The following TENM2 variants were observed in gnomAD, a reference collection of about 807,000 sequenced individuals.
TENM2 encodes teneurin transmembrane protein 2, also known as teneurin-2.
Under a neutral mutation model 245.2 loss-of-function variants are expected in TENM2, and 52 were observed. The observed-to-expected ratio is 0.21, with a 90% CI of 0.17 to 0.27. TENM2 has a LOEUF of 0.27. Ranked by LOEUF, TENM2 falls within the 10% of genes least tolerant of loss-of-function variation. The pLI is 1.00. For synonymous variants in TENM2, 1,363 were observed against 1,438.9 expected (o/e 0.95, Z 1.19); for missense variants, 3,046 against 3,666.8 (o/e 0.83, Z 4.37).
chr5:167,515,822 C>T lies in TENM2; in HGVS notation c.502+140349C>T, dbSNP rs115999873. ...CTGGGACTACAGGCACCTGCCACCACGCTCATAGGGCAATATTTAGTTTAA... is the reference window on the plus strand; with the variant it reads ...CTGGGACTACAGGCACCTGCCACCATGCTCATAGGGCAATATTTAGTTTAA... On this transcript the variant is annotated intron_variant, in intron 2 of 28. Coordinates refer to ENST00000518659, the Ensembl canonical transcript of TENM2. Among the ~76,000 whole-genome samples, 529 of 151,414 alleles carry T rather than the reference C, an allele frequency of 3.5e-3. 6 individuals carry two copies. Among genetic ancestry groups the T allele is most frequent in the African/African-American group, 9.0e-3 (370 of 41,288 alleles).
chr5:167,418,575 C>A (rs1763302123), intron 2 of TENM2, among the ~76,000 whole-genome samples: 1 of 152,088 alleles, frequency 6.6e-6, no homozygotes, highest in South Asian at 2.1e-4. Flanking sequence ...ACAGCAGTAG[C>A]CAGAACAATG....
chr5:167,526,320 C>T (rs887950932), intron 2 of TENM2, among the ~76,000 whole-genome samples: 1 of 149,622 alleles, frequency 6.7e-6, no homozygotes, highest in Non-Finnish European at 1.5e-5. Context: ...AGTCAGCTAC[C>T]TATGTCAAAA....
At chr5:167,062,645 G>A in the TENM2 span, among the ~76,000 whole-genome samples, 40 of 152,282 alleles carry the variant, frequency 2.6e-4, no homozygotes, top group Admixed American at 6.5e-4. Context: ...AGATCCTGGG[G>A]ACAGGTGAAC....
intron 2 of TENM2, among the ~76,000 whole-genome samples, chr5:167,473,182 G>A (rs867212346): frequency 6.6e-6 from 1 of 152,108 alleles, no homozygotes; most frequent in African/African-American, 2.4e-5. Flanking sequence ...TACCTATGTA[G>A]GCTTATCATT....
intron 3 of TENM2, among the ~76,000 whole-genome samples, chr5:167,889,736 T>G (rs1374068835): frequency 6.6e-6 from 1 of 152,146 alleles, no homozygotes; most frequent in Non-Finnish European, 1.5e-5. Context: ...AATTTGCTTT[T>G]AAAGATGAAA....
At chr5:168,032,627 G>A (rs569549350) in intron 5 of TENM2, among the ~76,000 whole-genome samples, 3 of 152,292 alleles carry the variant, frequency 2.0e-5, no homozygotes, top group East Asian at 3.9e-4. Flanking sequence ...TTCTAAAGAA[G>A]CAAAGAAAAA....
At chr5:167,335,533 T>A (rs1757705040) in intron 1 of TENM2, among the ~76,000 whole-genome samples, 1 of 152,172 alleles carries the variant, frequency 6.6e-6, no homozygotes, top group Non-Finnish European at 1.5e-5. Context: ...TACTACCATT[T>A]CGTTTTGCAT....
the TENM2 span, among the ~76,000 whole-genome samples, chr5:167,270,348 G>C: frequency 2.6e-5 from 4 of 152,198 alleles, no homozygotes; most frequent in South Asian, 8.3e-4. Context: ...TGACATTAGT[G>C]GTGGGAGTGG....
chr5:167,949,271 T>C (rs1779888826), intron 3 of TENM2, among the ~76,000 whole-genome samples: 1 of 152,172 alleles, frequency 6.6e-6, no homozygotes, highest in Non-Finnish European at 1.5e-5. Context: ...TTTGAGGGGA[T>C]ACAGACTCCA....
intron 4 of TENM2, among the ~76,000 whole-genome samples, chr5:167,991,513 T>G (rs920978126): frequency 2.6e-5 from 4 of 152,230 alleles, no homozygotes; most frequent in African/African-American, 9.6e-5. Flanking sequence ...TTTGAAGTCT[T>G]GTAAGTGGCA....
the TENM2 span, among the ~76,000 whole-genome samples, chr5:167,072,500 T>A: frequency 3.3e-4 from 51 of 152,244 alleles, no homozygotes; most frequent in Admixed American, 2.0e-4. Context: ...AGTTGAGACA[T>A]GTAACCTTGG....
intron 1 of TENM2, among the ~76,000 whole-genome samples, chr5:167,357,670 G>A (rs921092112): frequency 6.6e-6 from 1 of 152,152 alleles, no homozygotes; most frequent in Non-Finnish European, 1.5e-5. Context: ...ATCAAGGCAA[G>A]GCTAGTGAAT....
chr5:167,316,732 C>T (rs1446401106), intron 1 of TENM2, among the ~76,000 whole-genome samples: 1 of 152,084 alleles, frequency 6.6e-6, no homozygotes, highest in African/African-American at 2.4e-5. Context: ...TAATGTCGAC[C>T]AATATTTTTC....
chr5:167,756,958 G>T (rs542115839), intron 2 of TENM2, among the ~76,000 whole-genome samples: 2 of 152,196 alleles, frequency 1.3e-5, no homozygotes, highest in Admixed American at 6.5e-5. Context: ...AGACCCCCAT[G>T]AAATCATGTG....
the TENM2 span, among the ~76,000 whole-genome samples, chr5:167,247,815 C>A: frequency 3.3e-5 from 5 of 152,000 alleles, no homozygotes; most frequent in African/African-American, 9.7e-5. Context: ...AGCTGTAGAA[C>A]CTCTAATGGA....
intron 2 of TENM2, among the ~76,000 whole-genome samples, chr5:167,594,775 T>G (rs1776092664): frequency 6.6e-6 from 1 of 152,182 alleles, no homozygotes; most frequent in South Asian, 2.1e-4. Flanking sequence ...GGGGATTGTC[T>G]GTCTTCGATC....
At chr5:167,425,709 G>A (rs893370995) in intron 2 of TENM2, among the ~76,000 whole-genome samples, 8 of 151,984 alleles carry the variant, frequency 5.3e-5, no homozygotes, top group African/African-American at 1.7e-4. Flanking sequence ...TAATCTCTCT[G>A]CGTCTCAGTT....
intron 2 of TENM2, among the ~76,000 whole-genome samples, chr5:167,605,100 C>G (rs916463404): frequency 3.9e-5 from 6 of 152,118 alleles, no homozygotes; most frequent in African/African-American, 1.4e-4. Flanking sequence ...AAGATGCTGT[C>G]CAGGCCACAT....
chr5:167,328,699 A>G (rs1581756158), intron 1 of TENM2, among the ~76,000 whole-genome samples: 1 of 152,128 alleles, frequency 6.6e-6, no homozygotes, highest in South Asian at 2.1e-4. Context: ...CTCATTCCCT[A>G]GATAGACACT....
Sources: allele counts gnomAD v4.1 joint callset (sites outside exome capture counted in the v4.1 genomes callset), GRCh38; gene constraint gnomAD v4.1.1; transcripts MANE v1.5; gene names NCBI Gene and HGNC (gene_info 2026-07-23, HGNC 2026-07-21).